The following GALNTL6 variants were observed in gnomAD, a reference collection of about 807,000 sequenced individuals.
GALNTL6 encodes the protein polypeptide N-acetylgalactosaminyltransferase like 6, also known as polypeptide N-acetylgalactosaminyltransferase-like 6.
In GALNTL6, 46 loss-of-function variants were observed where a neutral mutation model predicts 73.7. The observed-to-expected ratio is 0.62, with a 90% confidence interval of 0.49 to 0.80. The LOEUF is 0.80. GALNTL6 is among the 30% of genes least tolerant of loss of function. The probability of loss-of-function intolerance (pLI) is 0.00; values close to 1 mark genes in which losing one functional copy is unlikely to be tolerated. For synonymous variants in GALNTL6, 259 were observed against 263.7 expected, an observed-to-expected ratio of 0.98 and a Z score of 0.17; for missense variants, 604 against 755.0, an observed-to-expected ratio of 0.80 and a Z score of 2.34.
intron 5 of GALNTL6, among the ~76,000 whole-genome samples, chr4:172,767,859 G>A (rs965189014): frequency 1.1e-4 from 17 of 151,618 alleles, no homozygotes; most frequent in African/African-American, 3.9e-4. Flanking sequence ...TAGTATAGAC[G>A]GGGTTTCACC....
chr4:172,752,864 T>G lies in GALNTL6; in HGVS notation c.554-56497T>G, dbSNP rs139492774. The stretch of plus-strand genomic sequence containing the variant: ...CACAAATGAAATTAATTTATTTTGA[T>G]AGATATAATTTTATTTTTTTCTGTG... On this transcript the variant is annotated intron_variant, in intron 5 of 12. Coordinates refer to ENST00000506823, the MANE Select transcript of GALNTL6 (RefSeq NM_001034845.3). Among the ~76,000 whole-genome samples the G allele has an allele frequency of 4.6e-3, 707 of 152,330 alleles. 8 individuals carry two copies. Among genetic ancestry groups the G allele is most frequent in the African/African-American group, 0.014 (570 of 41,578 alleles).
intron 5 of GALNTL6, among the ~76,000 whole-genome samples, chr4:172,416,712 A>G (rs1275033938): frequency 6.6e-6 from 1 of 152,126 alleles, no homozygotes; most frequent in Non-Finnish European, 1.5e-5. Flanking sequence ...TTTTCCTGTA[A>G]TGAATATTTT....
At chr4:172,915,680 C>T (rs1747466713) in intron 8 of GALNTL6, among the ~76,000 whole-genome samples, 1 of 152,146 alleles carries the variant, frequency 6.6e-6, no homozygotes. Context: ...CACATACAGC[C>T]TCCAAAGTCT....
At chr4:172,367,544 T>C (rs747364395) in intron 5 of GALNTL6, among the ~76,000 whole-genome samples, 6 of 152,156 alleles carry the variant, frequency 3.9e-5, no homozygotes, top group Non-Finnish European at 7.3e-5. Flanking sequence ...GCATACAGTC[T>C]GTATTGGAAA....
intron 5 of GALNTL6, among the ~76,000 whole-genome samples, chr4:172,560,993 C>A (rs1736331889): frequency 6.6e-6 from 1 of 152,094 alleles, no homozygotes; most frequent in African/African-American, 2.4e-5. Context: ...GTGGCTCACG[C>A]CTGTAATCCC....
chr4:172,412,229 A>G (rs1275613438), intron 5 of GALNTL6, among the ~76,000 whole-genome samples: 1 of 152,084 alleles, frequency 6.6e-6, no homozygotes, highest in Non-Finnish European at 1.5e-5. Context: ...TTTTTAATAG[A>G]GACTGATTTG....
intron 5 of GALNTL6, among the ~76,000 whole-genome samples, chr4:172,403,083 A>G (rs776765107): frequency 2.0e-5 from 3 of 152,058 alleles, no homozygotes; most frequent in Non-Finnish European, 4.4e-5. Context: ...TTATAAAGCT[A>G]AAGTCTAGTT....
chr4:172,320,359 C>T (rs1740715880), intron 4 of GALNTL6, among the ~76,000 whole-genome samples: 1 of 152,090 alleles, frequency 6.6e-6, no homozygotes, highest in South Asian at 2.1e-4. Context: ...CCCTTATCTC[C>T]AGAGCTTTGC....
Position 172,941,105 on chromosome 4 carries a change from T to G in GALNTL6, c.1149+9837T>G, listed in dbSNP as rs1047175565. On this transcript the variant is annotated intron_variant, in intron 9 of 12. Coordinates refer to ENST00000506823, the MANE Select transcript of GALNTL6 (RefSeq NM_001034845.3). ...TTGCTTAATTTAAATTTTTCAAATA[T>G]TCCATTGTGCTTTCCCAATTTTCAG... 9.8e-5 allele frequency among the ~76,000 whole-genome samples: 15 copies of G among 152,378 alleles called. No homozygotes were observed. In the East Asian group the frequency reaches 2.3e-3, roughly 23 times the overall value.
intron 5 of GALNTL6, among the ~76,000 whole-genome samples, chr4:172,631,689 C>T (rs1348441399): frequency 2.6e-5 from 4 of 152,118 alleles, no homozygotes; most frequent in African/African-American, 9.7e-5. Flanking sequence ...TTTTGTGAAG[C>T]AAAACCAGTG....
intron 5 of GALNTL6, among the ~76,000 whole-genome samples, chr4:172,440,835 A>C (rs940868695): frequency 5.9e-5 from 9 of 152,112 alleles, no homozygotes; most frequent in Admixed American, 1.3e-4. Flanking sequence ...CTGATTCATA[A>C]AAGCTTTTAT....
intron 3 of GALNTL6, among the ~76,000 whole-genome samples, chr4:172,276,278 A>C (rs1412701898): frequency 6.6e-6 from 1 of 152,208 alleles, no homozygotes; most frequent in Non-Finnish European, 1.5e-5. Flanking sequence ...CACGGCAGTC[A>C]TTCTGTTACC....
intron 5 of GALNTL6, among the ~76,000 whole-genome samples, chr4:172,550,443 T>G (rs1735915216): frequency 6.6e-6 from 1 of 152,228 alleles, no homozygotes; most frequent in South Asian, 2.1e-4. Context: ...GTTAGAGATT[T>G]ATATTTACTC....
chr4:172,970,231 G>T (rs191497280), intron 10 of GALNTL6, among the ~76,000 whole-genome samples: 16 of 152,334 alleles, frequency 1.1e-4, no homozygotes, highest in Admixed American at 8.5e-4. Flanking sequence ...TCTATGTTCA[G>T]CTGTGCATGT....
chr4:172,322,836 T>G (rs1740806062), intron 4 of GALNTL6, among the ~76,000 whole-genome samples: 1 of 150,632 alleles, frequency 6.6e-6, no homozygotes, highest in Non-Finnish European at 1.5e-5. Context: ...ATCATATCAA[T>G]GGAGAATAAG....
intron 2 of GALNTL6, among the ~76,000 whole-genome samples, chr4:171,938,389 C>A (rs1161658116): frequency 1.3e-5 from 2 of 152,076 alleles, no homozygotes; most frequent in East Asian, 1.9e-4. Flanking sequence ...ATAGACCCTG[C>A]CATTTCTTTG....
rs201737463 is a variant in GALNTL6 at position 172,336,467 on chromosome 4, G to A, written c.387-12056G>A. On this transcript the variant is annotated intron_variant, in intron 4 of 12. Transcript: ENST00000506823. Reference sequence around the variant, plus strand: ...TTTTTTTTTTTTTTAAGTAGAGACCGGGTTTCACCATGTTGGTCAGGCTGG... The same window carrying A: ...TTTTTTTTTTTTTTAAGTAGAGACCAGGTTTCACCATGTTGGTCAGGCTGG... Among the ~76,000 whole-genome samples, 119 of 150,272 alleles carry A rather than the reference G, an allele frequency of 7.9e-4. 2 individuals are homozygous for A. The South Asian group carries it at 0.015, about 19-fold the overall frequency.
chr4:171,956,709 ATTGACTTTATTGTTGTTTCTC>A (rs1230885375), intron 2 of GALNTL6, among the ~76,000 whole-genome samples: 1 of 152,208 alleles, frequency 6.6e-6, no homozygotes, highest in East Asian at 1.9e-4. Flanking sequence ...ATAAATATGC[ATTGACTTTATTGTTGTTTCTC>A]TCAAATGCCA....
At chr4:172,385,340 C>G (rs1339235241) in intron 5 of GALNTL6, among the ~76,000 whole-genome samples, 1 of 151,896 alleles carries the variant, frequency 6.6e-6, no homozygotes, top group African/African-American at 2.4e-5. Context: ...GATCTCCTGC[C>G]TAGTTGTTCT....
Sources: gnomAD v4.1 joint callset for allele counts (sites outside exome capture counted in the v4.1 genomes callset) on GRCh38, gnomAD v4.1.1 for gene constraint, MANE v1.5 for transcripts, NCBI Gene and HGNC (gene_info 2026-07-23, HGNC 2026-07-21) for gene names.